DBT: variants seen among roughly 807,000 people sequenced by gnomAD.
DBT encodes the protein lipoamide acyltransferase component of branched-chain alpha-keto acid dehydrogenase complex, mitochondrial.
A neutral mutation model predicts 51.3 loss-of-function variants in DBT; 40 were observed. The ratio of observed to expected loss-of-function variants is 0.78; its 90% CI spans 0.61 to 1.02. DBT has a LOEUF of 1.02. Ranked by LOEUF, DBT falls within the 50% of genes least tolerant of loss-of-function variation. The pLI, the probability that DBT is intolerant of heterozygous loss-of-function variation, is 0.00. For missense variants in DBT, 510 were observed against 580.2 expected (o/e 0.88, Z 1.24); for synonymous variants, 181 against 190.4 (o/e 0.95, Z 0.41).
chr1:100,246,779 T>C (rs765223010), intron 1 of DBT, among the ~76,000 whole-genome samples: 4 of 151,900 alleles, frequency 2.6e-5, no homozygotes, highest in Admixed American at 6.6e-5. Context: ...CACAGTACAG[T>C]GAAAGGTAAA....
chr1:100,215,949 T>C, intron 6 of DBT, 34 bp downstream of exon 6: 5 of 1,258,610 alleles, frequency 4.0e-6, no homozygotes, highest in Non-Finnish European at 5.8e-6. Context: ...ATAAATGAAC[T>C]ATTGCCTTAT....
At chr1:100,249,130 T>C (rs1284162303) in intron 1 of DBT, 1 of 984,268 alleles carries the variant, frequency 1.0e-6, no homozygotes, top group Non-Finnish European at 1.2e-6. Context: ...ACTAAGCAAA[T>C]AGGGGTAACA....
intron 8 of DBT, among the ~76,000 whole-genome samples, chr1:100,208,553 A>C (rs1445216111): frequency 6.6e-6 from 1 of 152,180 alleles, no homozygotes; most frequent in African/African-American, 2.4e-5. Context: ...GTCACTGGCT[A>C]AATAAATAAC....
intron 3 of DBT, among the ~76,000 whole-genome samples, chr1:100,233,032 G>A (rs1440434652): frequency 6.6e-6 from 1 of 152,026 alleles, no homozygotes; most frequent in Non-Finnish European, 1.5e-5. Context: ...CTAAAAAAAT[G>A]TTCCAACTAT....
intron 2 of DBT, among the ~76,000 whole-genome samples, chr1:100,238,338 C>A (rs1664014866): frequency 7.0e-6 from 1 of 143,524 alleles, no homozygotes; most frequent in African/African-American, 2.6e-5. Context: ...CTCCCCTCCC[C>A]ATCCCTTCCC....
Position 100,206,433 on chromosome 1 carries a change from A to T in DBT, c.1209+12T>A. On this transcript the variant is annotated intron_variant, in intron 9 of 10. Coordinates refer to ENST00000370132, the MANE Select transcript of DBT (RefSeq NM_001918.5). Reference sequence around the variant, plus strand: ...TAAGTAATGGTTTATGTATTTCAACATTATTACTCACTGATCCAATGTTGG... The same window carrying T: ...TAAGTAATGGTTTATGTATTTCAACTTTATTACTCACTGATCCAATGTTGG... 6.2e-7 allele frequency: 1 copy of T among 1,603,642 alleles called. No individual in the cohort carries two copies. The highest frequency in any genetic ancestry group is 8.5e-7 in the Non-Finnish European group (1 of 1,170,718).
intron 4 of DBT, among the ~76,000 whole-genome samples, chr1:100,225,649 A>C (rs980878259): frequency 6.6e-6 from 1 of 151,892 alleles, no homozygotes; most frequent in African/African-American, 2.4e-5. Context: ...ACATGGTGAA[A>C]CCTCACCTCT....
At chr1:100,219,681 C>A (rs1662727629) in intron 4 of DBT, among the ~76,000 whole-genome samples, 1 of 151,942 alleles carries the variant, frequency 6.6e-6, no homozygotes, top group African/African-American at 2.4e-5. Flanking sequence ...CCCAGGAAGT[C>A]AAGCCTGCAG....
intron 8 of DBT, among the ~76,000 whole-genome samples, chr1:100,207,668 T>A (rs1217004321): frequency 1.3e-5 from 2 of 151,850 alleles, no homozygotes; most frequent in African/African-American, 2.4e-5. Flanking sequence ...CAAAAAAATT[T>A]TTTTTAATTA....
Position 100,206,594 on chromosome 1 carries a change from A to C in DBT, c.1060T>G (p.Leu354Val). Residue 354 changes from leucine (L) to valine (V), a missense_variant, in exon 9 of 11, where the codon TTG becomes GTG. Transcript: ENST00000370132. ...ACATTTTTCACATTAGGGACAATCA[A>C]ACCCTGCTCAGTATCCATTGCTATC... ...IGIAMDTEQGLIVPNVKNVQI... is the reference protein window; with the variant it reads ...IGIAMDTEQGVIVPNVKNVQI... 4 of 1,612,650 alleles carry C rather than the reference A, an allele frequency of 2.5e-6. No homozygotes were observed. Among genetic ancestry groups the C allele is most frequent in the Non-Finnish European group, 3.4e-6 (4 of 1,178,646 alleles).
rs1009802366 is a variant in DBT, at chr1:100,207,933, C to G, written c.1018-1297G>C. 1.8e-4 allele frequency among the ~76,000 whole-genome samples: 28 copies of G among 151,952 alleles called. 1 individual carries two copies. The highest frequency in any genetic ancestry group is 1.5e-5 in the Non-Finnish European group (1 of 67,986). On this transcript the variant is annotated intron_variant, in intron 8 of 10. Transcript: ENST00000370132. ...GGATCACGAGGTCAGGAGATGGAGA[C>G]CATCCTGGCTAACACAGTGAAACCC...
At chr1:100,227,231 C>T (rs1052160135) in intron 4 of DBT, among the ~76,000 whole-genome samples, 4 of 152,204 alleles carry the variant, frequency 2.6e-5, no homozygotes, top group Admixed American at 6.5e-5. Flanking sequence ...TTGACCATAA[C>T]GTCGTTATGC....
Position 100,193,275 on chromosome 1 carries a change from G to A in DBT, c.*2980C>T, listed in dbSNP as rs907984674. The stretch of plus-strand genomic sequence containing the variant: ...GGTTTTTCTATTCTTTAAGTGAGGA[G>A]GACATTTTTATTGATCATGTCATTA... On this transcript the variant is annotated 3_prime_UTR_variant, in exon 11 of 11. Coordinates refer to ENST00000370132, the MANE Select transcript of DBT (RefSeq NM_001918.5). The A allele has an allele frequency of 6.6e-6, 1 of 152,112 alleles. No homozygotes were observed. Among genetic ancestry groups the A allele is most frequent in the Non-Finnish European group, 1.5e-5 (1 of 68,018 alleles). The allele number at this position is 152,112 out of a possible 1,614,324, so 9.4% of individuals were successfully genotyped here. A position where few individuals can be genotyped will look rare whatever the true frequency, so the allele number is the denominator to read the frequency against.
chr1:100,238,339 A>ATCCCT (rs1664015838), intron 2 of DBT, among the ~76,000 whole-genome samples: 1 of 27,348 alleles, frequency 3.7e-5, no homozygotes, highest in Admixed American at 3.7e-4. Flanking sequence ...TCCCCTCCCC[A>ATCCCT]TCCCTTCCCT....
chr1:100,209,533 G>A (rs1354601777), intron 8 of DBT, among the ~76,000 whole-genome samples: 1 of 151,908 alleles, frequency 6.6e-6, no homozygotes, highest in Non-Finnish European at 1.5e-5. Context: ...CTCACTTTCT[G>A]GTTGTACATG....
At chr1:100,243,930 A>G (rs1359052831) in intron 1 of DBT, among the ~76,000 whole-genome samples, 1 of 116,854 alleles carries the variant, frequency 8.6e-6, no homozygotes, top group Non-Finnish European at 1.9e-5. Flanking sequence ...AATATAGTCC[A>G]TAGGTTTACG....
intron 1 of DBT, among the ~76,000 whole-genome samples, chr1:100,241,861 A>G (rs1000984535): frequency 1.6e-4 from 24 of 152,150 alleles, no homozygotes; most frequent in African/African-American, 5.8e-4. Context: ...TCTACTAACA[A>G]TACAAAAGAA....
intron 1 of DBT, among the ~76,000 whole-genome samples, chr1:100,248,439 G>A (rs1664684224): frequency 1.3e-5 from 2 of 152,156 alleles, no homozygotes; most frequent in East Asian, 1.9e-4. Context: ...GAGATTTCCA[G>A]GACAGTAGGA....
At chr1:100,229,391 C>T (rs1428323393) in intron 4 of DBT, among the ~76,000 whole-genome samples, 1 of 152,122 alleles carries the variant, frequency 6.6e-6, no homozygotes, top group Non-Finnish European at 1.5e-5. Context: ...TGGTCTCGAT[C>T]TCTTGACCTC....
Sources: allele counts gnomAD v4.1 joint callset (sites outside exome capture counted in the v4.1 genomes callset), GRCh38; gene constraint gnomAD v4.1.1; transcripts MANE v1.5; gene names NCBI Gene and HGNC (gene_info 2026-07-23, HGNC 2026-07-21).